The following BLTP1 variants were observed in gnomAD, a reference collection of about 807,000 sequenced individuals.
BLTP1 encodes fragile site-associated protein.
chr4:122,162,756 TAAG>T, the BLTP1 span: 49 of 640,900 alleles, frequency 7.6e-5, no homozygotes, highest in Admixed American at 1.2e-3. Flanking sequence ...CTGGGAGTAA[TAAG>T]AAGAAAAAGG....
At chr4:122,301,794 C>T in the BLTP1 span, among the ~76,000 whole-genome samples, 1 of 152,260 alleles carries the variant, frequency 6.6e-6, no homozygotes, top group African/African-American at 2.4e-5. Flanking sequence ...ATTTTATGCA[C>T]TTTTCCAGTT....
chr4:122,220,366 G>C, the BLTP1 span: 1 of 1,613,534 alleles, frequency 6.2e-7, no homozygotes, highest in South Asian at 1.1e-5. Flanking sequence ...ATGCCCTACA[G>C]CTTTCTTGGA....
chr4:122,161,176 T>C, the BLTP1 span: 1 of 965,332 alleles, frequency 1.0e-6, no homozygotes, highest in Non-Finnish European at 1.2e-6. Flanking sequence ...CAGAAGACTT[T>C]AATATAATGG....
chr4:122,218,136 CA>C, the BLTP1 span, among the ~76,000 whole-genome samples: 3 of 151,926 alleles, frequency 2.0e-5, no homozygotes, highest in African/African-American at 7.2e-5. Flanking sequence ...GATGGTCCAT[CA>C]TTTTTTTTTG....
At chr4:122,282,186 T>A in the BLTP1 span, 1 of 496,830 alleles carries the variant, frequency 2.0e-6, no homozygotes, top group Non-Finnish European at 2.6e-6. Context: ...ACCCTTATAT[T>A]AATATATCCT....
chr4:122,224,243 A>C, the BLTP1 span: 1 of 369,988 alleles, frequency 2.7e-6, no homozygotes, highest in Non-Finnish European at 3.7e-6. Context: ...TACCAATCAG[A>C]GATCTGTCTA....
chr4:122,352,866 A>G, the BLTP1 span: 1 of 1,606,128 alleles, frequency 6.2e-7, no homozygotes, highest in Non-Finnish European at 8.5e-7. Flanking sequence ...GGTACTCATT[A>G]GGCACTTCAG....
the BLTP1 span, among the ~76,000 whole-genome samples, chr4:122,312,192 T>C: frequency 6.6e-6 from 1 of 152,036 alleles, no homozygotes; most frequent in Non-Finnish European, 1.5e-5. Context: ...CATGCCGCCA[T>C]ACCTGGCTAA....
At chr4:122,356,634 G>C in the BLTP1 span, 1 of 1,612,018 alleles carries the variant, frequency 6.2e-7, no homozygotes, top group South Asian at 1.1e-5. Flanking sequence ...CCAGCCTGAA[G>C]CCAAAAGTAG....
the BLTP1 span, among the ~76,000 whole-genome samples, chr4:122,154,598 G>A: frequency 1.9e-3 from 286 of 152,294 alleles, 1 homozygote; most frequent in African/African-American, 6.7e-3. Flanking sequence ...AAATGGCCGG[G>A]CGCGGTGGCT....
At chr4:122,221,875 C>A in the BLTP1 span, 2 of 983,400 alleles carry the variant, frequency 2.0e-6, no homozygotes. Context: ...TTTATGAGTA[C>A]CTGGTAGCCC....
chr4:122,289,063 A>G, the BLTP1 span: 1 of 1,601,852 alleles, frequency 6.2e-7, no homozygotes. Context: ...ATCAGTGTTA[A>G]TCTAATATGA....
chr4:122,263,387 T>A, the BLTP1 span: 2 of 1,466,194 alleles, frequency 1.4e-6, no homozygotes, highest in African/African-American at 1.4e-5. Flanking sequence ...TAAATTACAT[T>A]TTTTTGCTCC....
chr4:122,234,681 A>G, the BLTP1 span: 1 of 1,289,262 alleles, frequency 7.8e-7, no homozygotes, highest in East Asian at 2.6e-5. Context: ...ATTTACAATT[A>G]ACTTATATTT....
At chr4:122,282,700 C>T in the BLTP1 span, among the ~76,000 whole-genome samples, 1 of 152,044 alleles carries the variant, frequency 6.6e-6, no homozygotes, top group Non-Finnish European at 1.5e-5. Context: ...TTTTGTCTTA[C>T]CCATTCTTTT....
chr4:122,223,245 T>TA, the BLTP1 span: 14 of 651,314 alleles, frequency 2.1e-5, no homozygotes, highest in South Asian at 6.8e-5. Context: ...CCCTTATCCT[T>TA]AAAAAAAATT....
At chr4:122,243,030 G>T in the BLTP1 span, 1 of 1,612,018 alleles carries the variant, frequency 6.2e-7, no homozygotes, top group Non-Finnish European at 8.5e-7. Context: ...CTAATTCTTT[G>T]CTAGACAGAG....
chr4:122,191,811 A>C, the BLTP1 span, among the ~76,000 whole-genome samples: 1 of 152,098 alleles, frequency 6.6e-6, no homozygotes, highest in Admixed American at 6.5e-5. Flanking sequence ...TTGAATGCCG[A>C]AACAGCTATG....
the BLTP1 span, among the ~76,000 whole-genome samples, chr4:122,278,885 C>G: frequency 6.6e-6 from 1 of 152,212 alleles, no homozygotes; most frequent in African/African-American, 2.4e-5. Context: ...GCTCACCTCA[C>G]TTTCAAAGTG....
Sources: allele counts gnomAD v4.1 joint callset (sites outside exome capture counted in the v4.1 genomes callset), GRCh38; gene constraint gnomAD v4.1.1; transcripts MANE v1.5; gene names NCBI Gene and HGNC (gene_info 2026-07-23, HGNC 2026-07-21).